GATAD2A: variants seen among roughly 807,000 people sequenced by gnomAD.
The protein encoded by GATAD2A is transcriptional repressor p66-alpha.
GATAD2A carries 12 observed loss-of-function variants against 68.5 expected under a neutral mutation model. The observed-to-expected ratio is 0.18, with a 90% CI of 0.11 to 0.28. The LOEUF is 0.28. Among genes scored for constraint, GATAD2A ranks in the 10% least tolerant of loss-of-function variants. The pLI is 1.00. For synonymous variants in GATAD2A, 410 were observed against 375.3 expected (o/e 1.09, Z -1.07); for missense variants, 755 against 868.5 (o/e 0.87, Z 1.64).
intron 1 of GATAD2A, among the ~76,000 whole-genome samples, chr19:19,391,130 C>A (rs1389041253): frequency 6.6e-6 from 1 of 152,168 alleles, no homozygotes; most frequent in East Asian, 1.9e-4. Context: ...GCCATAGAAT[C>A]ATGGCTGGTG....
intron 1 of GATAD2A, among the ~76,000 whole-genome samples, chr19:19,419,280 AC>A (rs2052038543): frequency 6.6e-6 from 1 of 151,922 alleles, no homozygotes; most frequent in Non-Finnish European, 1.5e-5. Flanking sequence ...CTAGTTTATG[AC>A]CCAGGCCGGG....
intron 2 of GATAD2A, among the ~76,000 whole-genome samples, 200 bp from the exon 3 acceptor site, chr19:19,492,106 C>T (rs188001167): frequency 6.1e-4 from 93 of 152,336 alleles, no homozygotes; most frequent in African/African-American, 2.1e-3. Flanking sequence ...CACCTGGGCA[C>T]TGGGATTGGG....
rs750177518 is a variant in GATAD2A at position 19,465,539 on chromosome 19, AGGCCAC to A, written c.200_205del (p.Thr67_Ala68del). ...ACCCAAGGATTGCTGAGGGCAACAG[AGGCCAC>A]GGCCATGGCCATGGGCAGAGGCGAA... On this transcript the variant is annotated inframe_deletion, in exon 2 of 12. Transcript: ENST00000683918. 414 of 1,613,766 alleles carry A rather than the reference AGGCCAC, an allele frequency of 2.6e-4. No homozygotes were observed. The highest frequency in any genetic ancestry group is 3.1e-4 in the Non-Finnish European group (369 of 1,179,764).
chr19:19,438,566 C>T (rs2054628471), intron 1 of GATAD2A, among the ~76,000 whole-genome samples: 1 of 152,196 alleles, frequency 6.6e-6, no homozygotes, highest in African/African-American at 2.4e-5. Flanking sequence ...TCTGCCTGGC[C>T]CTTTCTTAAC....
At chr19:19,417,893 G>A (rs528557035) in intron 1 of GATAD2A, among the ~76,000 whole-genome samples, 5 of 152,256 alleles carry the variant, frequency 3.3e-5, no homozygotes, top group South Asian at 2.1e-4. Context: ...TTCCCTGCTC[G>A]ACCAGTGCTG....
At chr19:19,486,616 G>A (rs2059448243) in intron 2 of GATAD2A, among the ~76,000 whole-genome samples, 1 of 152,256 alleles carries the variant, frequency 6.6e-6, no homozygotes, top group Non-Finnish European at 1.5e-5. Context: ...GGGACCTGGT[G>A]CAGGGGACGC....
intron 2 of GATAD2A, among the ~76,000 whole-genome samples, chr19:19,485,704 G>A (rs563068228): frequency 1.3e-5 from 2 of 152,328 alleles, no homozygotes; most frequent in East Asian, 3.9e-4. Context: ...GTACTACGGG[G>A]GCTATGAGTA....
At chr19:19,409,714 G>A (rs1048157080) in intron 1 of GATAD2A, among the ~76,000 whole-genome samples, 5 of 149,018 alleles carry the variant, frequency 3.4e-5, no homozygotes, top group African/African-American at 1.2e-4. Flanking sequence ...TGGTTGCAGC[G>A]AGGTGGAAAT....
intron 2 of GATAD2A, among the ~76,000 whole-genome samples, chr19:19,490,648 G>A (rs889553624): frequency 2.6e-5 from 4 of 152,140 alleles, no homozygotes; most frequent in African/African-American, 9.7e-5. Context: ...CAATGAGGCC[G>A]AGGCGGGCGG....
intron 1 of GATAD2A, among the ~76,000 whole-genome samples, chr19:19,425,937 T>C (rs1207059005): frequency 1.3e-5 from 2 of 151,984 alleles, no homozygotes; most frequent in Non-Finnish European, 2.9e-5. Context: ...CTACAGGTGC[T>C]CCGCCACGCC....
At chr19:19,458,751 G>A (rs1289127658) in intron 1 of GATAD2A, 1 of 152,204 alleles carries the variant, frequency 6.6e-6, no homozygotes, top group African/African-American at 2.4e-5. Context: ...ACAGAAGGTA[G>A]ATGATTTAAG....
chr19:19,502,629 C>A, intron 11 of GATAD2A, 103 bp downstream of exon 11: 2 of 905,818 alleles, frequency 2.2e-6, no homozygotes, highest in Admixed American at 2.5e-5. Context: ...ACCCCCAGGC[C>A]CGCTTCCCAA....
intron 1 of GATAD2A, among the ~76,000 whole-genome samples, chr19:19,409,277 C>A (rs927590582): frequency 7.2e-5 from 11 of 152,090 alleles, no homozygotes; most frequent in Middle Eastern, 3.4e-3. Context: ...TAGACCTTTC[C>A]CCCCCATAAT....
intron 2 of GATAD2A, among the ~76,000 whole-genome samples, chr19:19,476,138 ATGT>A (rs2058665478): frequency 6.6e-6 from 1 of 152,032 alleles, no homozygotes; most frequent in Non-Finnish European, 1.5e-5. Flanking sequence ...CTCTCTGGGG[ATGT>A]TATTATCCTG....
chr19:19,414,835 CCCTT>C (rs2051397367), intron 1 of GATAD2A, among the ~76,000 whole-genome samples: 3 of 133,528 alleles, frequency 2.2e-5, no homozygotes, highest in African/African-American at 1.0e-4. Context: ...ACACCCTGCC[CCCTT>C]TTTTTTTTTT....
intron 1 of GATAD2A, among the ~76,000 whole-genome samples, chr19:19,398,021 A>G (rs2049399729): frequency 6.6e-6 from 1 of 151,812 alleles, no homozygotes; most frequent in Non-Finnish European, 1.5e-5. Flanking sequence ...TTCCTGCCTC[A>G]GCTTCCTGAG....
intron 11 of GATAD2A, 76 bp downstream of exon 11, chr19:19,502,602 A>G: frequency 8.4e-7 from 1 of 1,186,254 alleles, no homozygotes; most frequent in African/African-American, 1.5e-5. Flanking sequence ...AAACAGAGGC[A>G]CATGTGCAGC....
chr19:19,450,744 A>T (rs1460756427), intron 1 of GATAD2A, among the ~76,000 whole-genome samples: 6 of 50,710 alleles, frequency 1.2e-4, no homozygotes, highest in African/African-American at 3.2e-4. Flanking sequence ...TCATTACATT[A>T]AAAAAAAAAA....
intron 2 of GATAD2A, among the ~76,000 whole-genome samples, chr19:19,483,647 G>T (rs1165589581): frequency 2.6e-5 from 4 of 151,918 alleles, no homozygotes; most frequent in Non-Finnish European, 4.4e-5. Flanking sequence ...CTGAGTCTCG[G>T]TCTGTCATCC....
Sources: allele counts gnomAD v4.1 joint callset (sites outside exome capture counted in the v4.1 genomes callset), GRCh38; gene constraint gnomAD v4.1.1; transcripts MANE v1.5; gene names NCBI Gene and HGNC (gene_info 2026-07-23, HGNC 2026-07-21).